Variants in FRK observed in about 807,000 individuals in gnomAD.
FRK encodes the protein tyrosine-protein kinase FRK.
A neutral mutation model predicts 56.4 loss-of-function variants in FRK; 51 were observed. The ratio of observed to expected loss-of-function variants is 0.90; its 90% CI spans 0.72 to 1.14. The LOEUF (loss-of-function observed/expected upper bound fraction) is 1.14, where lower values mean the gene tolerates loss of function less well. Among genes scored for constraint, FRK ranks in the 50% most tolerant of loss-of-function variants. The pLI is 0.00. For synonymous variants in FRK, 245 were observed against 217.9 expected, an observed-to-expected ratio of 1.12 and a Z score of -1.10; for missense variants, 570 against 601.4, an observed-to-expected ratio of 0.95 and a Z score of 0.55.
intron 1 of FRK, among the ~76,000 whole-genome samples, chr6:116,055,679 A>G (rs888541392): frequency 6.6e-6 from 1 of 152,236 alleles, no homozygotes; most frequent in African/African-American, 2.4e-5. Context: ...TATATATATA[A>G]CAAAGCAAAT....
At chr6:116,046,202 C>T (rs1776952376) in intron 1 of FRK, among the ~76,000 whole-genome samples, 1 of 152,170 alleles carries the variant, frequency 6.6e-6, no homozygotes, top group Non-Finnish European at 1.5e-5. Context: ...ATTAGTTCAA[C>T]CATTGTGGAA....
At chr6:116,033,736 G>A (rs1776377121) in intron 1 of FRK, among the ~76,000 whole-genome samples, 1 of 152,130 alleles carries the variant, frequency 6.6e-6, no homozygotes, top group African/African-American at 2.4e-5. Context: ...AAAACTGCTG[G>A]AGGATTTTGA....
At chr6:116,035,506 G>T (rs543090054) in intron 1 of FRK, among the ~76,000 whole-genome samples, 15 of 152,062 alleles carry the variant, frequency 9.9e-5, no homozygotes, top group African/African-American at 3.4e-4. Flanking sequence ...AACTCTCTAC[G>T]TAATAACATT....
chr6:116,063,267 T>C (rs547032848), upstream of FRK, among the ~76,000 whole-genome samples: 1 of 152,316 alleles, frequency 6.6e-6, no homozygotes, highest in African/African-American at 2.4e-5. Context: ...CCTATGTTTA[T>C]TGCAGCACTA....
At chr6:116,008,892 C>T (rs978003841) in intron 1 of FRK, among the ~76,000 whole-genome samples, 7 of 152,146 alleles carry the variant, frequency 4.6e-5, no homozygotes, top group African/African-American at 9.7e-5. Flanking sequence ...TCAGGAGCAT[C>T]GCATCACATG....
At chr6:115,968,761 G>C (rs891193143) in intron 2 of FRK, 22 bp from the exon 3 acceptor site, 35 of 1,601,636 alleles carry the variant, frequency 2.2e-5, no homozygotes, top group Non-Finnish European at 3.0e-5. Flanking sequence ...AATAATTCCT[G>C]TTAATAAACT....
In FRK at chr6:115,944,245, T is replaced by C; in HGVS notation, c.1139A>G (p.Lys380Arg). The C allele has an allele frequency of 1.2e-6, 2 of 1,604,964 alleles. No individual in the cohort carries two copies. The highest frequency in any genetic ancestry group is 1.7e-6 in the Non-Finnish European group (2 of 1,177,680). ...TAATTAAAACAAAACTAAATCCACC[T>C]TAAAAACTCTGGCAAGTCCAAAATC... The part of the protein sequence containing the change: ...VADFGLARVF[K>R]VDNEDIYESR... The change falls in exon 6 of 8, where the codon AAG becomes AGG. Residue 380 changes from lysine (K) to arginine (R), a missense_variant and splice_region_variant. Physicochemically the swap from Lys to Arg is conservative, Grantham distance 26. Transcript: ENST00000606080.
At chr6:116,019,626 A>G (rs1376540772) in intron 1 of FRK, among the ~76,000 whole-genome samples, 3 of 152,234 alleles carry the variant, frequency 2.0e-5, no homozygotes, top group Non-Finnish European at 4.4e-5. Context: ...CAAAATCCCC[A>G]CTTTGTGGAA....
Position 115,938,515 on chromosome 6 carries a change from C to CA in FRK, c.*3898dup, listed in dbSNP as rs1304425153. 6.6e-6 allele frequency: 1 copy of CA among 152,018 alleles called. No homozygotes were observed. The highest frequency in any genetic ancestry group is 1.9e-4 in the East Asian group (1 of 5,194). The allele number at this position is 152,018 out of a possible 1,614,324, so 9.4% of individuals were successfully genotyped here. On this transcript the variant is annotated 3_prime_UTR_variant, in exon 8 of 8. Coordinates refer to ENST00000606080, the MANE Select transcript of FRK (RefSeq NM_002031.3). ...GGTGATAGAGACATGAAAAACCTTT[C>CA]AAAAAATCAATGAATCCAGGATCTG...
chr6:115,942,820 A>T (rs1332294729), intron 7 of FRK, among the ~76,000 whole-genome samples, 195 bp from the exon 8 acceptor site: 1 of 152,162 alleles, frequency 6.6e-6, no homozygotes, highest in African/African-American at 2.4e-5. Flanking sequence ...TAAGACTGCA[A>T]TTCACTAGCA....
the FRK span, among the ~76,000 whole-genome samples, chr6:116,098,086 TG>T: frequency 6.8e-6 from 1 of 146,736 alleles, no homozygotes. Context: ...CCACTCTCCT[TG>T]GCTTACAGAC....
chr6:116,093,166 T>A, the FRK span, among the ~76,000 whole-genome samples: 2 of 152,068 alleles, frequency 1.3e-5, no homozygotes, highest in Non-Finnish European at 2.9e-5. Flanking sequence ...TAGCCTAGCC[T>A]CCCTATAGCT....
At position 115,984,503 on chromosome 6, in the gene FRK, G is replaced by T. The variant is rs143443424; in HGVS notation, c.467-15764C>A. Reference sequence around the variant, plus strand: ...GCTGAGACTGAAATCCAAATAGTTTGATGTCTGTGCTCTGCAACCTATTGG... The same window carrying T: ...GCTGAGACTGAAATCCAAATAGTTTTATGTCTGTGCTCTGCAACCTATTGG... On this transcript the variant is annotated intron_variant, in intron 2 of 7. Coordinates refer to ENST00000606080, the MANE Select transcript of FRK (RefSeq NM_002031.3). Among the ~76,000 whole-genome samples the T allele has an allele frequency of 1.5e-4, 23 of 152,152 alleles. No homozygotes were observed. In the East Asian group the frequency reaches 4.4e-3, roughly 29 times the overall value.
At position 115,937,644 on chromosome 6, in the gene FRK, G is replaced by T. The variant is rs912804492; in HGVS notation, c.*4770C>A. 3.3e-5 allele frequency: 5 copies of T among 151,762 alleles called. No individual in the cohort carries two copies. The highest frequency in any genetic ancestry group is 9.7e-5 in the African/African-American group (4 of 41,298). The allele number at this position is 151,762 out of a possible 1,614,324, so 9.4% of individuals were successfully genotyped here. A position where few individuals can be genotyped will look rare whatever the true frequency, so the allele number is the denominator to read the frequency against. On this transcript the variant is annotated 3_prime_UTR_variant, in exon 8 of 8. Coordinates refer to ENST00000606080, the MANE Select transcript of FRK (RefSeq NM_002031.3). Reference sequence around the variant, plus strand: ...ATGGAGGAATATTTACGAAGCAAACGGAAAGCAGAAAAAAAAAGCAGGGGT... The same window carrying T: ...ATGGAGGAATATTTACGAAGCAAACTGAAAGCAGAAAAAAAAAGCAGGGGT...
intron 1 of FRK, among the ~76,000 whole-genome samples, chr6:116,018,985 G>A (rs1470498816): frequency 6.6e-6 from 1 of 152,116 alleles, no homozygotes; most frequent in East Asian, 1.9e-4. Flanking sequence ...GAAGGTGAAT[G>A]ATAATAGATT....
intron 2 of FRK, among the ~76,000 whole-genome samples, chr6:115,981,232 CA>C (rs1378324942): frequency 6.6e-6 from 1 of 152,086 alleles, no homozygotes; most frequent in African/African-American, 2.4e-5. Context: ...ACATTCTTCA[CA>C]ACTTCTCTTA....
rs962130855 is a variant in FRK at position 115,934,277 on chromosome 6, C to T, written c.*8137G>A. 1 of 152,122 alleles carries T rather than the reference C, an allele frequency of 6.6e-6. No homozygotes were observed. Among genetic ancestry groups the T allele is most frequent in the Non-Finnish European group, 1.5e-5 (1 of 68,042 alleles). 9.4% of individuals were successfully genotyped at this position (152,122 alleles called of 1,614,324 possible). A position where few individuals can be genotyped will look rare whatever the true frequency, so the allele number is the denominator to read the frequency against. ...GTCTCTGAGGAAGGTGACCACATTC[C>T]CAGATTCAGAGTCAGAACTTATTTT... On this transcript the variant is annotated 3_prime_UTR_variant, in exon 8 of 8. Transcript: ENST00000606080.
intron 4 of FRK, among the ~76,000 whole-genome samples, chr6:115,967,153 T>A (rs1454517019): frequency 6.6e-6 from 1 of 152,212 alleles, no homozygotes; most frequent in Admixed American, 6.5e-5. Context: ...CTTTTAACCA[T>A]ACAAAATTAA....
intron 1 of FRK, among the ~76,000 whole-genome samples, chr6:116,035,076 T>C (rs1366162916): frequency 6.6e-6 from 1 of 151,986 alleles, no homozygotes; most frequent in African/African-American, 2.4e-5. Context: ...AATTTTAAAA[T>C]TGTGGTGTGG....
Sources: allele counts gnomAD v4.1 joint callset (sites outside exome capture counted in the v4.1 genomes callset), GRCh38; gene constraint gnomAD v4.1.1; transcripts MANE v1.5; gene names NCBI Gene and HGNC (gene_info 2026-07-23, HGNC 2026-07-21).